The following AIF1L variants were observed in gnomAD, a reference collection of about 807,000 sequenced individuals.
The protein encoded by AIF1L is allograft inflammatory factor 1-like.
A neutral mutation model predicts 20.7 loss-of-function variants in AIF1L; 12 were observed. The observed-to-expected ratio is 0.58, with a 90% CI of 0.37 to 0.94. The LOEUF (loss-of-function observed/expected upper bound fraction) is 0.94, where lower values mean the gene tolerates loss of function less well. Ranked by LOEUF, AIF1L falls within the 40% of genes least tolerant of loss-of-function variation. AIF1L has a pLI of 0.01. For missense variants in AIF1L, 173 were observed against 185.3 expected (o/e 0.93, Z 0.39); for synonymous variants, 76 against 65.1 (o/e 1.17, Z -0.81).
chr9:131,109,831 G>T (rs968153235), intron 2 of AIF1L, among the ~76,000 whole-genome samples: 2 of 152,222 alleles, frequency 1.3e-5, no homozygotes, highest in Non-Finnish European at 2.9e-5. Flanking sequence ...TAGGGGCTAA[G>T]GATGCAGGCT....
rs189202695 is a variant in AIF1L at position 131,103,931 on chromosome 9, C to T, written c.93+7068C>T. Among the ~76,000 whole-genome samples the T allele has an allele frequency of 5.3e-5, 8 of 152,268 alleles. No homozygotes were observed. The East Asian group carries it at 5.8e-4, about 11-fold the overall frequency. On this transcript the variant is annotated intron_variant, in intron 2 of 5. Transcript: ENST00000247291. ...GAACTTGGGCAAGGCCTGTCCCTTCCGGCACCTCGGTTTCCCCAGCTATTG... is the reference window on the plus strand; with the variant it reads ...GAACTTGGGCAAGGCCTGTCCCTTCTGGCACCTCGGTTTCCCCAGCTATTG...
In AIF1L at chr9:131,096,851, C is replaced by T. The variant is rs762964862; in HGVS notation, c.81C>T (p.Ala27=). 1.3e-6 allele frequency: 2 copies of T among 1,536,752 alleles called. No individual in the cohort carries two copies. ...AAGCCCGGCAGGAGAGGAGGCTGGCCGAGATCAACCGGGTAAGCCCCGCGC... is the reference window on the plus strand; with the variant it reads ...AAGCCCGGCAGGAGAGGAGGCTGGCTGAGATCAACCGGGTAAGCCCCGCGC... The part of the protein sequence containing the change: ...LLKARQERRL[A]EINREFLCDQ... The change falls in exon 2 of 6, where the codon GCC becomes GCT. Residue 27 remains alanine, a synonymous_variant. Transcript: ENST00000247291.
intron 2 of AIF1L, among the ~76,000 whole-genome samples, chr9:131,098,835 A>G (rs532297731): frequency 6.6e-6 from 1 of 152,330 alleles, no homozygotes; most frequent in Admixed American, 6.5e-5. Flanking sequence ...AGCCAGTGAC[A>G]GAGCTTGCAG....
At chr9:131,104,366 G>A (rs1402817147) in intron 2 of AIF1L, among the ~76,000 whole-genome samples, 3 of 152,206 alleles carry the variant, frequency 2.0e-5, no homozygotes, top group Non-Finnish European at 4.4e-5. Flanking sequence ...TCTCCCTGGA[G>A]GGCTATAAAG....
At chr9:131,107,330 C>A (rs183376095) in intron 2 of AIF1L, among the ~76,000 whole-genome samples, 1 of 152,302 alleles carries the variant, frequency 6.6e-6, no homozygotes, top group East Asian at 1.9e-4. Context: ...TCTCTAAGGC[C>A]AGGGACCATG....
chr9:131,110,703 A>G (rs1031201906), intron 2 of AIF1L, among the ~76,000 whole-genome samples: 6 of 151,104 alleles, frequency 4.0e-5, no homozygotes, highest in South Asian at 2.1e-4. Context: ...GGGTTTCACT[A>G]TGTTGGCCAG....
chr9:131,099,134 G>C (rs542296418), intron 2 of AIF1L, among the ~76,000 whole-genome samples: 3 of 152,306 alleles, frequency 2.0e-5, no homozygotes, highest in Admixed American at 2.0e-4. Context: ...TCTATGTAAA[G>C]CACCCAGGAG....
In AIF1L at chr9:131,115,866, C is replaced by T. The variant is rs1039028267; in HGVS notation, c.202+1248C>T. 8.6e-5 allele frequency among the ~76,000 whole-genome samples: 13 copies of T among 151,388 alleles called. No individual in the cohort carries two copies. The East Asian group carries it at 2.3e-3, about 27-fold the overall frequency. The stretch of plus-strand genomic sequence containing the variant: ...GCAGATGCCTGTAATCCCAGCTACT[C>T]GGGAGGCTGAGGCAGGAGAATTGCT... On this transcript the variant is annotated intron_variant, in intron 4 of 5. Transcript: ENST00000247291.
chr9:131,104,732 C>G (rs902885347), intron 2 of AIF1L, among the ~76,000 whole-genome samples: 2 of 152,026 alleles, frequency 1.3e-5, no homozygotes, highest in African/African-American at 4.8e-5. Flanking sequence ...AAACAGCTAA[C>G]ATTTATTTAG....
At position 131,122,382 on chromosome 9, in the gene AIF1L, C is replaced by T. The variant is rs1831158878; in HGVS notation, c.*2060C>T. On this transcript the variant is annotated 3_prime_UTR_variant, in exon 6 of 6. Coordinates refer to ENST00000247291, the MANE Select transcript of AIF1L (RefSeq NM_031426.4). ...TGAGCTCAAGGATCTGCTTCAAATGCACACAGGCCTAGTTGAAGTTTAAAC... is the reference window on the plus strand; with the variant it reads ...TGAGCTCAAGGATCTGCTTCAAATGTACACAGGCCTAGTTGAAGTTTAAAC... The T allele has an allele frequency of 6.6e-6, 1 of 152,578 alleles. No individual in the cohort carries two copies. The highest frequency in any genetic ancestry group is 1.5e-5 in the Non-Finnish European group (1 of 68,034). The allele number at this position is 152,578 out of a possible 1,614,324, so 9.5% of individuals were successfully genotyped here.
intron 2 of AIF1L, among the ~76,000 whole-genome samples, chr9:131,106,423 C>A (rs1269326222): frequency 1.3e-5 from 2 of 152,146 alleles, no homozygotes; most frequent in Admixed American, 1.3e-4. Context: ...GGTGACCCAT[C>A]CTAAGGAGCT....
intron 2 of AIF1L, among the ~76,000 whole-genome samples, chr9:131,103,196 G>T (rs1255909117): frequency 6.6e-5 from 10 of 152,228 alleles, no homozygotes; most frequent in Admixed American, 5.9e-4. Context: ...AAAGGCGGCA[G>T]TGAACAGATG....
In AIF1L at chr9:131,117,809, C is replaced by G; in HGVS notation, c.256C>G (p.Leu86Val). 1 of 1,614,128 alleles carries G rather than the reference C, an allele frequency of 6.2e-7. No individual in the cohort carries two copies. Among genetic ancestry groups the G allele is most frequent in the Non-Finnish European group, 8.5e-7 (1 of 1,180,020 alleles). Residue 86 changes from leucine (L) to valine (V), a missense_variant, in exon 5 of 6, where the codon CTG becomes GTG. Leu to Val is a conservative substitution (Grantham distance 32). Coordinates refer to ENST00000247291, the MANE Select transcript of AIF1L (RefSeq NM_031426.4). Reference protein sequence around the residue: ...MEKLGVPKTHLEMKKMISEVT... With the variant: ...MEKLGVPKTHVEMKKMISEVT... ...GAAGCTTGGTGTCCCCAAGACCCAC[C>G]TGGAGATGAAGAAGATGATCTCAGA...
At position 131,116,800 on chromosome 9, in the gene AIF1L, G is replaced by A. The variant is rs548551575; in HGVS notation, c.203-956G>A. Among the ~76,000 whole-genome samples the A allele has an allele frequency of 9.8e-5, 15 of 152,354 alleles. No homozygotes were observed. In the South Asian group the frequency reaches 2.5e-3, roughly 25 times the overall value. On this transcript the variant is annotated intron_variant, in intron 4 of 5. Coordinates refer to ENST00000247291, the MANE Select transcript of AIF1L (RefSeq NM_031426.4). Reference sequence around the variant, plus strand: ...TTTGAAGCATCTTGCCGAACTGCCCGAGAAAGGTCCTGCCAACTTCAGAGT... The same window carrying A: ...TTTGAAGCATCTTGCCGAACTGCCCAAGAAAGGTCCTGCCAACTTCAGAGT...
intron 4 of AIF1L, among the ~76,000 whole-genome samples, chr9:131,117,256 C>T (rs554533301): frequency 9.8e-5 from 15 of 152,326 alleles, no homozygotes; most frequent in Admixed American, 3.3e-4. Flanking sequence ...ACCTGCCACT[C>T]GGCACCCAGC....
In AIF1L at chr9:131,120,264, A is replaced by C. The variant is rs1382887778; in HGVS notation, c.395A>C (p.Glu132Ala). 6.2e-7 allele frequency: 1 copy of C among 1,613,818 alleles called. No homozygotes were observed. The highest frequency in any genetic ancestry group is 1.7e-5 in the Admixed American group (1 of 59,986). ...ATGATGTTTGAAGGAAAAGCCAACG[A>C]GAGCAGCCCCAAGCCAGTTGGCCCC... ...LVMMFEGKAN[E>A]SSPKPVGPPP... Residue 132 changes from glutamate (E) to alanine (A), a missense_variant, in exon 6 of 6, where the codon GAG becomes GCG. Physicochemically the swap from Glu to Ala is moderately radical, Grantham distance 107. Transcript: ENST00000247291.
chr9:131,108,416 T>A (rs1483786608), intron 2 of AIF1L, among the ~76,000 whole-genome samples: 4 of 152,110 alleles, frequency 2.6e-5, no homozygotes, highest in Non-Finnish European at 5.9e-5. Context: ...GCCAGGCTGT[T>A]CTTGAGCTCC....
At chr9:131,097,299 A>T (rs552969973) in intron 2 of AIF1L, among the ~76,000 whole-genome samples, 13 of 152,334 alleles carry the variant, frequency 8.5e-5, no homozygotes, top group African/African-American at 3.1e-4. Flanking sequence ...AGCTCATTGC[A>T]GCCTCCACCT....
chr9:131,098,937 C>T lies in AIF1L; in HGVS notation c.93+2074C>T, dbSNP rs530069242. Among the ~76,000 whole-genome samples the T allele has an allele frequency of 5.3e-5, 8 of 152,254 alleles. No individual in the cohort carries two copies. In the South Asian group the frequency reaches 1.7e-3, roughly 32 times the overall value. On this transcript the variant is annotated intron_variant, in intron 2 of 5. Coordinates refer to ENST00000247291, the MANE Select transcript of AIF1L (RefSeq NM_031426.4). Reference sequence around the variant, plus strand: ...CTGCTGAGGCCCAGGATCTGGGGCCCTGTAGGAAGGAGGCGCCAGGATCAC... The same window carrying T: ...CTGCTGAGGCCCAGGATCTGGGGCCTTGTAGGAAGGAGGCGCCAGGATCAC...
Sources: gnomAD v4.1 joint callset for allele counts (sites outside exome capture counted in the v4.1 genomes callset) on GRCh38, gnomAD v4.1.1 for gene constraint, MANE v1.5 for transcripts, NCBI Gene and HGNC (gene_info 2026-07-23, HGNC 2026-07-21) for gene names.